CACNB2: variants seen among roughly 807,000 people sequenced by gnomAD.
CACNB2 encodes the protein calcium voltage-gated channel auxiliary subunit beta 2.
In CACNB2, 42 loss-of-function variants were observed where a neutral mutation model predicts 73.3. The observed-to-expected ratio is 0.57, with a 90% CI of 0.45 to 0.74. The LOEUF is 0.74. Ranked by LOEUF, CACNB2 falls within the 30% of genes least tolerant of loss-of-function variation. The probability of loss-of-function intolerance (pLI) is 0.00; values close to 1 mark genes in which losing one functional copy is unlikely to be tolerated. For synonymous variants in CACNB2, 348 were observed against 310.3 expected (o/e 1.12, Z -1.28); for missense variants, 940 against 853.0 (o/e 1.10, Z -1.27).
At chr10:18,214,104 AG>A (rs202017889) in intron 2 of CACNB2, among the ~76,000 whole-genome samples, 1,783 of 152,076 alleles carry the variant, frequency 0.012, 42 homozygotes, top group African/African-American at 0.028. Flanking sequence ...AACTGGAGGC[AG>A]GGGGGCAGTG....
chr10:18,442,285 G>A (rs909780637), intron 3 of CACNB2, among the ~76,000 whole-genome samples: 2 of 151,904 alleles, frequency 1.3e-5, no homozygotes, highest in Non-Finnish European at 2.9e-5. Flanking sequence ...GGGTACCTGG[G>A]ATTACAGGTG....
chr10:18,380,371 G>A (rs1396902837), intron 2 of CACNB2, among the ~76,000 whole-genome samples: 1 of 151,792 alleles, frequency 6.6e-6, no homozygotes, highest in Non-Finnish European at 1.5e-5. Flanking sequence ...TTTGCATAGG[G>A]GTCAGGAACT....
chr10:18,419,099 C>A (rs895735002), intron 3 of CACNB2, among the ~76,000 whole-genome samples: 1 of 152,216 alleles, frequency 6.6e-6, no homozygotes, highest in African/African-American at 2.4e-5. Flanking sequence ...AGATCTTTGG[C>A]TGTGACAATC....
intron 3 of CACNB2, among the ~76,000 whole-genome samples, chr10:18,422,615 C>T (rs2045386665): frequency 6.6e-6 from 1 of 152,102 alleles, no homozygotes; most frequent in Non-Finnish European, 1.5e-5. Context: ...TTTTTCACAG[C>T]ATATTGGGTT....
rs568075088 is a variant in CACNB2 at position 18,412,236 on chromosome 10, G to A, written c.333+10193G>A. On this transcript the variant is annotated intron_variant, in intron 3 of 13. Transcript: ENST00000324631. ...GTCCCATTGGCCAAAGCAAGTCACC[G>A]GCCTAAGCCTGGAGTCAAATGGGAA... Among the ~76,000 whole-genome samples, 14 of 152,290 alleles carry A rather than the reference G, an allele frequency of 9.2e-5. No homozygotes were observed. In the East Asian group the frequency reaches 2.5e-3, roughly 27 times the overall value.
In CACNB2 at chr10:18,506,699, A is replaced by T. The variant is rs911651201; in HGVS notation, c.670+152A>T. On this transcript the variant is annotated intron_variant, in intron 6 of 13. Transcript: ENST00000324631. ...GAAGTGAGCATGCCCTTTTGGAGTTACAAACAATATGGGGAAATGTTTTTT... is the reference window on the plus strand; with the variant it reads ...GAAGTGAGCATGCCCTTTTGGAGTTTCAAACAATATGGGGAAATGTTTTTT... 4 of 678,842 alleles carry T rather than the reference A, an allele frequency of 5.9e-6. No individual in the cohort carries two copies. In the Admixed American group the frequency reaches 8.7e-5, roughly 15 times the overall value. The allele number at this position is 678,842 out of a possible 1,614,324, so 42.1% of individuals were successfully genotyped here.
chr10:18,294,441 C>A (rs1328880810), intron 2 of CACNB2, among the ~76,000 whole-genome samples: 1 of 152,090 alleles, frequency 6.6e-6, no homozygotes, highest in Non-Finnish European at 1.5e-5. Flanking sequence ...CTCTAGGTAC[C>A]GAGGACGCAG....
chr10:18,171,966 A>G (rs2033275774), intron 2 of CACNB2, among the ~76,000 whole-genome samples: 1 of 152,020 alleles, frequency 6.6e-6, no homozygotes, highest in African/African-American at 2.4e-5. Flanking sequence ...GAGCTAACTG[A>G]TCCTCCTTTA....
At chr10:18,208,142 T>C (rs781157695) in intron 2 of CACNB2, among the ~76,000 whole-genome samples, 1 of 152,166 alleles carries the variant, frequency 6.6e-6, no homozygotes, top group African/African-American at 2.4e-5. Flanking sequence ...CATGGACTGA[T>C]AAGCCTTTAG....
intron 12 of CACNB2, 47 bp downstream of exon 12, chr10:18,536,243 C>CTTTTCTTTTTTTTTTTTTTTTTTTTT (rs1327787339): frequency 2.1e-5 from 6 of 283,220 alleles, no homozygotes; most frequent in African/African-American, 1.3e-4. Context: ...GAGATCAGAC[C>CTTTTCTTTTTTTTTTTTTTTTTTTTT]TTTTTTTTTT....
At chr10:18,237,693 G>C (rs2036499867) in intron 2 of CACNB2, among the ~76,000 whole-genome samples, 1 of 152,198 alleles carries the variant, frequency 6.6e-6, no homozygotes, top group African/African-American at 2.4e-5. Flanking sequence ...TGGTTCTTCA[G>C]GTGCATCAAC....
intron 2 of CACNB2, among the ~76,000 whole-genome samples, chr10:18,217,184 A>T (rs2035545521): frequency 1.3e-5 from 2 of 152,160 alleles, no homozygotes; most frequent in Non-Finnish European, 2.9e-5. Context: ...AGCTATAAAC[A>T]AATACTATAA....
intron 2 of CACNB2, among the ~76,000 whole-genome samples, chr10:18,322,971 T>G (rs1399633589): frequency 6.7e-6 from 1 of 148,996 alleles, no homozygotes; most frequent in Non-Finnish European, 1.5e-5. Flanking sequence ...TTTTTTTTTT[T>G]TTTTTTTTTG....
At chr10:18,287,372 C>T (rs193088840) in intron 2 of CACNB2, among the ~76,000 whole-genome samples, 1 of 152,130 alleles carries the variant, frequency 6.6e-6, no homozygotes, top group Admixed American at 6.5e-5. Context: ...ACATTTTTCC[C>T]TTTAACATTT....
chr10:18,267,323 G>A (rs915599581), intron 2 of CACNB2, among the ~76,000 whole-genome samples: 2 of 151,958 alleles, frequency 1.3e-5, no homozygotes, highest in African/African-American at 4.8e-5. Context: ...ATTAAATAAG[G>A]GGCTGGGTGT....
At chr10:18,255,465 T>G (rs1175715619) in intron 2 of CACNB2, among the ~76,000 whole-genome samples, 1 of 152,180 alleles carries the variant, frequency 6.6e-6, no homozygotes, top group African/African-American at 2.4e-5. Flanking sequence ...TCTTATTAGC[T>G]TGTAATTCTA....
At chr10:18,314,917 A>G (rs1013479969) in intron 2 of CACNB2, among the ~76,000 whole-genome samples, 1 of 152,242 alleles carries the variant, frequency 6.6e-6, no homozygotes, top group Admixed American at 6.5e-5. Context: ...GGGAAGGACA[A>G]TTGGAATTCT....
chr10:18,395,900 G>T (rs571117428), intron 2 of CACNB2, among the ~76,000 whole-genome samples: 2 of 152,186 alleles, frequency 1.3e-5, no homozygotes, highest in Admixed American at 1.3e-4. Context: ...ATCTTGGCAC[G>T]CTATGTCATT....
At chr10:18,496,312 C>G (rs2132987844) in intron 3 of CACNB2, among the ~76,000 whole-genome samples, 1 of 151,998 alleles carries the variant, frequency 6.6e-6, no homozygotes, top group Middle Eastern at 3.4e-3. Flanking sequence ...CAAATTGTGA[C>G]TAGACCATAG....
Sources: gnomAD v4.1 joint callset for allele counts (sites outside exome capture counted in the v4.1 genomes callset) on GRCh38, gnomAD v4.1.1 for gene constraint, MANE v1.5 for transcripts, NCBI Gene and HGNC (gene_info 2026-07-23, HGNC 2026-07-21) for gene names.